Variants in WWC2 observed in about 807,000 individuals in gnomAD.
WWC2 encodes the protein protein WWC2.
A neutral mutation model predicts 138.5 loss-of-function variants in WWC2; 101 were observed. The ratio of observed to expected loss-of-function variants is 0.73; its 90% confidence interval spans 0.62 to 0.86. The LOEUF (loss-of-function observed/expected upper bound fraction) is 0.86. Among genes scored for constraint, WWC2 ranks in the 40% least tolerant of loss-of-function variants. The probability of loss-of-function intolerance (pLI) is 0.00; values close to 1 mark genes in which losing one functional copy is unlikely to be tolerated. For synonymous variants in WWC2, 558 were observed against 538.4 expected (o/e 1.04, Z -0.50); for missense variants, 1,420 against 1,419.4 (o/e 1.00, Z -0.01).
chr4:183,289,728 C>G, intron 21 of WWC2, 93 bp downstream of exon 21: 6 of 1,511,182 alleles, frequency 4.0e-6, no homozygotes, highest in Non-Finnish European at 5.3e-6. Flanking sequence ...TTCTGTTTTG[C>G]GCATAAGTCT....
chr4:183,150,017 G>A (rs1733595717), intron 1 of WWC2, among the ~76,000 whole-genome samples: 1 of 152,158 alleles, frequency 6.6e-6, no homozygotes, highest in Admixed American at 6.5e-5. Context: ...GGGTTCTCCT[G>A]GGACCTCTTT....
At chr4:183,139,925 G>C (rs1269579372) in intron 1 of WWC2, among the ~76,000 whole-genome samples, 1 of 152,152 alleles carries the variant, frequency 6.6e-6, no homozygotes, top group African/African-American at 2.4e-5. Flanking sequence ...CAATCCTCCT[G>C]CTTCAGCCTC....
At chr4:183,282,618 A>G in intron 17 of WWC2, 90 bp from the exon 18 acceptor site, 1 of 1,297,668 alleles carries the variant, frequency 7.7e-7, no homozygotes. Context: ...GAGTCTGTTT[A>G]TTTCCCAGAT....
At chr4:183,279,271 A>G (rs1357745676) in intron 16 of WWC2, among the ~76,000 whole-genome samples, 1 of 151,960 alleles carries the variant, frequency 6.6e-6, no homozygotes, top group Non-Finnish European at 1.5e-5. Flanking sequence ...TATATGCTGT[A>G]TTACATTTAT....
chr4:183,191,855 A>G (rs1451646710), intron 1 of WWC2, among the ~76,000 whole-genome samples: 1 of 151,906 alleles, frequency 6.6e-6, no homozygotes, highest in African/African-American at 2.4e-5. Flanking sequence ...GGCTTCCCAG[A>G]GTGCGGAGAT....
At chr4:183,232,079 A>G (rs1405037372) in intron 4 of WWC2, among the ~76,000 whole-genome samples, 1 of 152,200 alleles carries the variant, frequency 6.6e-6, no homozygotes, top group Non-Finnish European at 1.5e-5. Context: ...ACACCACTGG[A>G]AAGGTTGTGG....
At chr4:183,100,490 A>G (rs945531383) in intron 1 of WWC2, among the ~76,000 whole-genome samples, 2 of 152,232 alleles carry the variant, frequency 1.3e-5, no homozygotes, top group African/African-American at 2.4e-5. Flanking sequence ...AAATTTGTAA[A>G]TTATCCATTA....
chr4:183,165,314 T>C (rs1250044740), intron 1 of WWC2, among the ~76,000 whole-genome samples: 3 of 152,142 alleles, frequency 2.0e-5, no homozygotes, highest in South Asian at 2.1e-4. Flanking sequence ...TGGGAAGCCT[T>C]CTTCTTTCCT....
intron 1 of WWC2, among the ~76,000 whole-genome samples, chr4:183,174,700 T>C (rs183457481): frequency 5.1e-4 from 77 of 152,332 alleles, no homozygotes; most frequent in African/African-American, 1.8e-3. Flanking sequence ...AACAGTAGAA[T>C]GGACACCATT....
chr4:183,197,731 T>G (rs928307973), intron 2 of WWC2, among the ~76,000 whole-genome samples: 2 of 152,200 alleles, frequency 1.3e-5, no homozygotes. Context: ...AGAGTTGTAC[T>G]GTAATTTTTT....
intron 2 of WWC2, among the ~76,000 whole-genome samples, chr4:183,204,837 G>A (rs1166722103): frequency 6.6e-6 from 1 of 152,142 alleles, no homozygotes; most frequent in Non-Finnish European, 1.5e-5. Context: ...ACTTTTGCCC[G>A]AATTTCATAT....
chr4:183,165,882 A>G (rs1436970908), intron 1 of WWC2, among the ~76,000 whole-genome samples: 1 of 152,244 alleles, frequency 6.6e-6, no homozygotes, highest in Non-Finnish European at 1.5e-5. Flanking sequence ...TTTCTGTCAT[A>G]GTAAAAGAGT....
chr4:183,129,929 G>C (rs779680612), intron 1 of WWC2, among the ~76,000 whole-genome samples: 7 of 152,172 alleles, frequency 4.6e-5, no homozygotes, highest in Non-Finnish European at 7.3e-5. Context: ...CTCTTCAGCA[G>C]AGTGCAGGGC....
Position 183,261,462 on chromosome 4 carries a change from C to G in WWC2, c.1839C>G (p.Ala613=), listed in dbSNP as rs1375726853. The change falls in exon 11 of 23, where the codon GCC becomes GCG. Residue 613 remains alanine, a synonymous_variant. Coordinates refer to ENST00000403733, the MANE Select transcript of WWC2 (RefSeq NM_024949.6). ...QILLDSDSGG[A]SQSLSEDKDL... ...TGCTGGATTCTGATTCAGGAGGAGCCTCCCAGTCTCTTTCAGAGGATAAAG... is the reference window on the plus strand; with the variant it reads ...TGCTGGATTCTGATTCAGGAGGAGCGTCCCAGTCTCTTTCAGAGGATAAAG... 2.5e-6 allele frequency: 4 copies of G among 1,612,496 alleles called. No homozygotes were observed. Among genetic ancestry groups the G allele is most frequent in the Non-Finnish European group, 3.4e-6 (4 of 1,179,336 alleles).
At chr4:183,242,024 A>C (rs1736639226) in intron 5 of WWC2, among the ~76,000 whole-genome samples, 1 of 152,240 alleles carries the variant, frequency 6.6e-6, no homozygotes, top group Non-Finnish European at 1.5e-5. Context: ...TCCACAAGAA[A>C]ACAATAGACA....
chr4:183,187,892 A>G (rs1427052292), intron 1 of WWC2, among the ~76,000 whole-genome samples: 1 of 152,052 alleles, frequency 6.6e-6, no homozygotes, highest in African/African-American at 2.4e-5. Flanking sequence ...AATACATAAA[A>G]ATAAAAAAAA....
At chr4:183,268,291 T>C (rs1004538813) in intron 14 of WWC2, among the ~76,000 whole-genome samples, 1 of 152,192 alleles carries the variant, frequency 6.6e-6, no homozygotes. Context: ...CCTCATACAA[T>C]GTGTGCTCAG....
chr4:183,256,509 T>TG (rs558323457), intron 9 of WWC2, among the ~76,000 whole-genome samples: 85 of 152,320 alleles, frequency 5.6e-4, no homozygotes, highest in African/African-American at 1.9e-3. Flanking sequence ...GTTTCTGCTC[T>TG]GCTCATTGCT....
chr4:183,144,050 A>G (rs1233280959), intron 1 of WWC2, among the ~76,000 whole-genome samples: 1 of 152,172 alleles, frequency 6.6e-6, no homozygotes, highest in Non-Finnish European at 1.5e-5. Flanking sequence ...TAAAGAAGGA[A>G]ATTATAATAA....
Sources: allele counts gnomAD v4.1 joint callset (sites outside exome capture counted in the v4.1 genomes callset), GRCh38; gene constraint gnomAD v4.1.1; transcripts MANE v1.5; gene names NCBI Gene and HGNC (gene_info 2026-07-23, HGNC 2026-07-21).